The following KLHL29 variants were observed in gnomAD, a reference collection of about 807,000 sequenced individuals.
The protein encoded by KLHL29 is kelch like family member 29.
A neutral mutation model predicts 80.4 loss-of-function variants in KLHL29; 21 were observed. The ratio of observed to expected loss-of-function variants is 0.26; its 90% CI spans 0.19 to 0.38. KLHL29 has a LOEUF of 0.38. Among genes scored for constraint, KLHL29 ranks in the 10% least tolerant of loss-of-function variants. The pLI is 1.00. For synonymous variants in KLHL29, 511 were observed against 526.8 expected (o/e 0.97, Z 0.41); for missense variants, 867 against 1,223.9 (o/e 0.71, Z 4.35).
intron 11 of KLHL29, 70 bp from the exon 12 acceptor site, chr2:23,703,116 C>A: frequency 8.5e-7 from 1 of 1,171,828 alleles, no homozygotes; most frequent in Non-Finnish European, 1.1e-6. Context: ...CAGTTTGCTG[C>A]CCTTGCTTGT....
chr2:23,434,200 AGTCCCAG>A (rs1663269517), intron 1 of KLHL29, among the ~76,000 whole-genome samples: 2 of 151,882 alleles, frequency 1.3e-5, no homozygotes, highest in Admixed American at 1.3e-4. Flanking sequence ...GGGCGCCTGT[AGTCCCAG>A]CTACTTGGGA....
At chr2:23,528,854 G>A (rs1018705271) in intron 2 of KLHL29, among the ~76,000 whole-genome samples, 20 of 152,302 alleles carry the variant, frequency 1.3e-4, no homozygotes, top group African/African-American at 4.6e-4. Context: ...CTATCTCTGC[G>A]GCCACCCTGG....
intron 2 of KLHL29, among the ~76,000 whole-genome samples, chr2:23,507,846 A>G (rs1305987871): frequency 1.3e-5 from 2 of 152,198 alleles, no homozygotes; most frequent in Non-Finnish European, 1.5e-5. Context: ...AAAGGTCGCT[A>G]AGATCACTTC....
chr2:23,514,845 C>T (rs1048910987), intron 2 of KLHL29, among the ~76,000 whole-genome samples: 7 of 152,212 alleles, frequency 4.6e-5, no homozygotes, highest in Non-Finnish European at 8.8e-5. Flanking sequence ...TTCTTCCACC[C>T]GGAATGCTCT....
chr2:23,533,922 T>C (rs1007150808), intron 2 of KLHL29, among the ~76,000 whole-genome samples: 5 of 148,026 alleles, frequency 3.4e-5, no homozygotes, highest in Admixed American at 6.8e-5. Context: ...GAGACTTTCC[T>C]ATGGTGTCTG....
At chr2:23,396,276 C>A (rs1280960520) in intron 1 of KLHL29, among the ~76,000 whole-genome samples, 1 of 152,218 alleles carries the variant, frequency 6.6e-6, no homozygotes, top group Non-Finnish European at 1.5e-5. Context: ...GTCGGTCTCC[C>A]TGATGCTGAG....
intron 3 of KLHL29, among the ~76,000 whole-genome samples, chr2:23,633,756 C>CGTGTGTGTGTGTGTGT (rs1181808728): frequency 3.4e-5 from 5 of 147,128 alleles, no homozygotes; most frequent in African/African-American, 1.0e-4. Context: ...TCACAGCACT[C>CGTGTGTGTGTGTGTGT]GTGTGTGTGT....
intron 1 of KLHL29, among the ~76,000 whole-genome samples, chr2:23,402,930 A>G (rs1666629889): frequency 6.6e-6 from 1 of 150,380 alleles, no homozygotes; most frequent in Non-Finnish European, 1.5e-5. Context: ...TATCTTATAT[A>G]TCATATATAA....
At chr2:23,591,346 C>G (rs556593468) in intron 3 of KLHL29, among the ~76,000 whole-genome samples, 2 of 152,248 alleles carry the variant, frequency 1.3e-5, no homozygotes, top group East Asian at 3.9e-4. Context: ...TGTCCTGTCC[C>G]GTCCCAGGCC....
rs569388975 is a variant in KLHL29, at chr2:23,708,168, T to C, written c.*1504T>C. On this transcript the variant is annotated 3_prime_UTR_variant, in exon 14 of 14. Transcript: ENST00000486442. ...ATGACACAAAATTCCAGTTCTAACG[T>C]TGGGCATCAACTTCTAGCACTACGA... 11 of 152,266 alleles carry C rather than the reference T, an allele frequency of 7.2e-5. No individual in the cohort carries two copies. Among genetic ancestry groups the C allele is most frequent in the Non-Finnish European group, 1.6e-4 (11 of 68,044 alleles). The allele number at this position is 152,266 out of a possible 1,614,324, so 9.4% of individuals were successfully genotyped here.
chr2:23,613,744 G>A (rs538826), intron 3 of KLHL29, among the ~76,000 whole-genome samples: 88,005 of 135,316 alleles, frequency 0.65, 28,814 homozygotes, highest in East Asian at 0.74. Flanking sequence ...AGCCTGGGCG[G>A]CAGGGCAAGA....
In KLHL29 at chr2:23,506,908, C is replaced by G. The variant is rs942328612; in HGVS notation, c.-46+31241C>G. The G allele has an allele frequency of 5.2e-5, 10 of 191,494 alleles. No homozygotes were observed. The South Asian group carries it at 7.0e-4, about 13-fold the overall frequency. 11.9% of individuals were successfully genotyped at this position (191,494 alleles called of 1,614,324 possible). ...CCTACAGGGTGGGGTAGAAGTCTCT[C>G]TTCCAGAGCTGCATAGCCTTCCCAG... is the stretch of plus-strand genomic sequence containing the variant. On this transcript the variant is annotated intron_variant, in intron 2 of 13. Transcript: ENST00000486442.
chr2:23,522,216 T>C (rs1666127127), intron 2 of KLHL29, among the ~76,000 whole-genome samples: 1 of 152,072 alleles, frequency 6.6e-6, no homozygotes, highest in South Asian at 2.1e-4. Context: ...TGGCATGATC[T>C]TGGCTCATGG....
chr2:23,413,385 C>T lies in KLHL29; in HGVS notation c.-154+27605C>T, dbSNP rs556697044. Among the ~76,000 whole-genome samples the T allele has an allele frequency of 5.3e-5, 8 of 152,322 alleles. No individual in the cohort carries two copies. The East Asian group carries it at 1.5e-3, about 29-fold the overall frequency. On this transcript the variant is annotated intron_variant, in intron 1 of 13. Coordinates refer to ENST00000486442, the MANE Select transcript of KLHL29 (RefSeq NM_052920.2). ...CTTTGTGGCAGAGGGCTGGTCACTGCAGACCCATGGACACGGGTGTCACCA... is the reference window on the plus strand; with the variant it reads ...CTTTGTGGCAGAGGGCTGGTCACTGTAGACCCATGGACACGGGTGTCACCA...
At chr2:23,404,295 G>C (rs548252099) in intron 1 of KLHL29, among the ~76,000 whole-genome samples, 2 of 152,182 alleles carry the variant, frequency 1.3e-5, no homozygotes, top group South Asian at 4.2e-4. Context: ...TCAGTCATTA[G>C]CAAATCGTAC....
intron 1 of KLHL29, among the ~76,000 whole-genome samples, chr2:23,469,086 T>G (rs1194761898): frequency 6.6e-6 from 1 of 152,160 alleles, no homozygotes; most frequent in Non-Finnish European, 1.5e-5. Context: ...AAGACTCCAG[T>G]CAAGTCTTGT....
intron 5 of KLHL29, among the ~76,000 whole-genome samples, chr2:23,660,556 C>A (rs1670376156): frequency 6.6e-6 from 1 of 152,216 alleles, no homozygotes; most frequent in South Asian, 2.1e-4. Context: ...TCTGTCCCAA[C>A]AAGAGTTGGT....
intron 3 of KLHL29, among the ~76,000 whole-genome samples, chr2:23,633,756 CGTGTGTGTGTGTGTG>C (rs749994461): frequency 1.0e-4 from 15 of 147,240 alleles, no homozygotes; most frequent in East Asian, 1.0e-3. Context: ...TCACAGCACT[CGTGTGTGTGTGTGTG>C]TGTGTGTGTG....
intron 1 of KLHL29, among the ~76,000 whole-genome samples, chr2:23,421,402 C>T (rs908813830): frequency 7.2e-5 from 11 of 152,190 alleles, no homozygotes; most frequent in African/African-American, 1.9e-4. Context: ...GAGGCCGTCT[C>T]TGCCTCTCCT....
Sources: gnomAD v4.1 joint callset for allele counts (sites outside exome capture counted in the v4.1 genomes callset) on GRCh38, gnomAD v4.1.1 for gene constraint, MANE v1.5 for transcripts, NCBI Gene and HGNC (gene_info 2026-07-23, HGNC 2026-07-21) for gene names.